Variants in ENOX2 observed in about 807,000 individuals in gnomAD.
ENOX2 encodes ecto-NOX disulfide-thiol exchanger 2.
ENOX2 carries 36 observed loss-of-function variants against 45.0 expected under a neutral mutation model. The ratio of observed to expected loss-of-function variants is 0.80; its 90% CI spans 0.61 to 1.06. The LOEUF (loss-of-function observed/expected upper bound fraction) is 1.06. ENOX2 is among the 50% of genes least tolerant of loss of function. The pLI is 0.00. For missense variants in ENOX2, 423 were observed against 462.5 expected (o/e 0.91, Z 0.78); for synonymous variants, 174 against 152.3 (o/e 1.14, Z -1.05).
intron 1 of ENOX2, among the ~76,000 whole-genome samples, chrX:130,902,781 G>C (rs1483214460): frequency 1.0e-5 from 1 of 95,713 alleles, no homozygotes; most frequent in East Asian, 3.3e-4. Flanking sequence ...GGGCGGCGTC[G>C]TGGGAAAAAA....
intron 10 of ENOX2, among the ~76,000 whole-genome samples, chrX:130,649,924 G>T (rs1219812891): frequency 1.8e-5 from 2 of 112,136 alleles, no homozygotes; most frequent in African/African-American, 6.5e-5. Context: ...TGGTTTGCTT[G>T]CAGGGTGAGT....
rs974574740 is a variant in ENOX2, at chrX:130,658,179, T to C, written c.1015-1484A>G. Among the ~76,000 whole-genome samples the C allele has an allele frequency of 2.7e-5, 3 of 112,035 alleles. No homozygotes were observed. In the Admixed American group the frequency reaches 2.8e-4, roughly 11 times the overall value. On this transcript the variant is annotated intron_variant, in intron 9 of 14. Coordinates refer to ENST00000394363, the MANE Select transcript of ENOX2 (RefSeq NM_006375.4). ...TTTACATCACTGAGAATCGTTATAA[T>C]AGCTGCTTTATAATCTCGTCTGATA... is the stretch of plus-strand genomic sequence containing the variant.
At chrX:130,718,953 G>A (rs1374714042) in intron 3 of ENOX2, among the ~76,000 whole-genome samples, 1 of 111,938 alleles carries the variant, frequency 8.9e-6, no homozygotes, top group Non-Finnish European at 1.9e-5. Flanking sequence ...ATAGGACAGT[G>A]CAGGTTGGTA....
intron 9 of ENOX2, among the ~76,000 whole-genome samples, chrX:130,658,636 C>T (rs940514138): frequency 1.8e-5 from 2 of 111,902 alleles, no homozygotes; most frequent in Non-Finnish European, 3.8e-5. Context: ...AAAAGCAATA[C>T]ATTATACAGA....
intron 3 of ENOX2, among the ~76,000 whole-genome samples, chrX:130,738,387 T>C (rs1167598375): frequency 8.9e-6 from 1 of 112,204 alleles, no homozygotes; most frequent in African/African-American, 3.2e-5. Flanking sequence ...CTCAAATGTA[T>C]AACTTAAATG....
intron 2 of ENOX2, among the ~76,000 whole-genome samples, chrX:130,817,337 G>T (rs757662370): frequency 1.9e-4 from 21 of 111,711 alleles, no homozygotes; most frequent in African/African-American, 6.5e-4. Flanking sequence ...TCTACCAAAG[G>T]TACAAAGAGG....
chrX:130,807,783 G>A (rs1309069740), intron 2 of ENOX2, among the ~76,000 whole-genome samples: 1 of 111,869 alleles, frequency 8.9e-6, no homozygotes, highest in Non-Finnish European at 1.9e-5. Context: ...CAGAATAGTA[G>A]ACTAAGAAGG....
intron 11 of ENOX2, among the ~76,000 whole-genome samples, chrX:130,635,715 G>A (rs746326939): frequency 9.0e-5 from 10 of 111,674 alleles, no homozygotes; most frequent in African/African-American, 1.6e-4. Flanking sequence ...CTTCCCTAAC[G>A]CCATTCAGAT....
chrX:130,676,320 T>C (rs756586745), intron 6 of ENOX2, among the ~76,000 whole-genome samples: 6 of 112,277 alleles, frequency 5.3e-5, no homozygotes, highest in Middle Eastern at 4.6e-3. Context: ...GTAAGGGATT[T>C]TTTTTTTGTT....
chrX:130,763,430 C>A (rs2039540337), intron 3 of ENOX2, among the ~76,000 whole-genome samples: 1 of 111,273 alleles, frequency 9.0e-6, no homozygotes, highest in Non-Finnish European at 1.9e-5. Context: ...TCCTGGAGGT[C>A]TCCTCTGATA....
intron 2 of ENOX2, among the ~76,000 whole-genome samples, chrX:130,872,256 T>C (rs2078608876): frequency 8.9e-6 from 1 of 112,642 alleles, no homozygotes; most frequent in Non-Finnish European, 1.9e-5. Context: ...TATTAAGCTA[T>C]AGGAACTTAT....
chrX:130,695,481 T>C (rs900708561), intron 4 of ENOX2, among the ~76,000 whole-genome samples: 3 of 110,792 alleles, frequency 2.7e-5, no homozygotes, highest in Non-Finnish European at 5.7e-5. Flanking sequence ...CTTAACGACT[T>C]ATCCCCATCC....
chrX:130,807,982 T>A (rs1378465411), intron 2 of ENOX2, among the ~76,000 whole-genome samples: 4 of 112,664 alleles, frequency 3.6e-5, no homozygotes, highest in African/African-American at 9.7e-5. Flanking sequence ...GATAACCTGA[T>A]ACATAGCAAA....
At chrX:130,895,268 A>C (rs1362684203) in intron 2 of ENOX2, among the ~76,000 whole-genome samples, 1 of 111,867 alleles carries the variant, frequency 8.9e-6, no homozygotes, top group Non-Finnish European at 1.9e-5. Flanking sequence ...AAAGGTGAAA[A>C]TTAGAATGGT....
rs1445570448 is a variant in ENOX2, at chrX:130,623,263, C to T, written c.*2051G>A. ...AGGAGTAACAGAAACAGACAATCTG[C>T]AATGTAAGTTGATTAAGTGAAGGAG... is the stretch of plus-strand genomic sequence containing the variant. On this transcript the variant is annotated 3_prime_UTR_variant, in exon 15 of 15. Coordinates refer to ENST00000394363, the MANE Select transcript of ENOX2 (RefSeq NM_006375.4). The T allele has an allele frequency of 9.0e-6, 1 of 111,291 alleles. No homozygotes were observed. The highest frequency in any genetic ancestry group is 3.3e-5 in the African/African-American group (1 of 30,543). 9.2% of individuals were successfully genotyped at this position (111,291 alleles called of 1,213,427 possible).
chrX:130,632,589 G>C (rs556941487), intron 12 of ENOX2, among the ~76,000 whole-genome samples: 38 of 111,625 alleles, frequency 3.4e-4, no homozygotes, highest in Admixed American at 9.5e-5. Flanking sequence ...ATGCTCCTTG[G>C]GGGGCAGATC....
At chrX:130,655,121 T>C in intron 10 of ENOX2, among the ~76,000 whole-genome samples, 1 of 112,403 alleles carries the variant, frequency 8.9e-6, no homozygotes, top group Admixed American at 9.4e-5. Flanking sequence ...ATAATTTGAA[T>C]AGTTCAATTC....
chrX:130,851,729 C>T (rs1166083690), intron 2 of ENOX2, among the ~76,000 whole-genome samples: 1 of 112,021 alleles, frequency 8.9e-6, no homozygotes, highest in Non-Finnish European at 1.9e-5. Context: ...CAACAAAAGT[C>T]ATACTGAGGA....
chrX:130,669,075 T>C (rs1391241900), intron 7 of ENOX2, among the ~76,000 whole-genome samples: 2 of 112,411 alleles, frequency 1.8e-5, no homozygotes, highest in African/African-American at 6.5e-5. Context: ...GGTACAAACA[T>C]GTCTGGTGAA....
Sources: gnomAD v4.1 joint callset for allele counts (sites outside exome capture counted in the v4.1 genomes callset) on GRCh38, gnomAD v4.1.1 for gene constraint, MANE v1.5 for transcripts, NCBI Gene and HGNC (gene_info 2026-07-23, HGNC 2026-07-21) for gene names.